Variants in ANAPC10 observed in about 807,000 individuals in gnomAD.
ANAPC10 encodes the protein anaphase-promoting complex subunit 10.
In ANAPC10, 12 loss-of-function variants were observed where a neutral mutation model predicts 22.0. That is an observed-to-expected ratio of 0.55 (90% CI 0.35 to 0.88). The LOEUF (loss-of-function observed/expected upper bound fraction) is 0.88. Among genes scored for constraint, ANAPC10 ranks in the 40% least tolerant of loss-of-function variants. The pLI is 0.01. For missense variants in ANAPC10, 188 were observed against 220.9 expected, an observed-to-expected ratio of 0.85 and a Z score of 0.94; for synonymous variants, 65 against 69.5, an observed-to-expected ratio of 0.94 and a Z score of 0.32.
intron 4 of ANAPC10, among the ~76,000 whole-genome samples, chr4:145,046,732 G>T (rs1175756842): frequency 6.6e-6 from 1 of 152,014 alleles, no homozygotes; most frequent in African/African-American, 2.4e-5. Context: ...TACATAGGTT[G>T]TTCTCTCTGT....
At chr4:145,010,034 AAAG>A (rs1734049141) in intron 4 of ANAPC10, among the ~76,000 whole-genome samples, 1 of 152,224 alleles carries the variant, frequency 6.6e-6, no homozygotes, top group African/African-American at 2.4e-5. Context: ...ACACTTCTCA[AAAG>A]AAGACATTTA....
chr4:145,057,195 TA>T (rs1416848929), intron 4 of ANAPC10, among the ~76,000 whole-genome samples: 9 of 152,210 alleles, frequency 5.9e-5, no homozygotes, highest in Non-Finnish European at 8.8e-5. Context: ...TTCCTGCTAT[TA>T]AATCATTTCA....
intron 4 of ANAPC10, among the ~76,000 whole-genome samples, chr4:145,063,623 T>C (rs1287020533): frequency 6.6e-6 from 1 of 152,134 alleles, no homozygotes. Context: ...AATGATTTTC[T>C]GACCAAAAAA....
At chr4:145,028,295 C>T (rs905741686) in intron 4 of ANAPC10, among the ~76,000 whole-genome samples, 3 of 152,060 alleles carry the variant, frequency 2.0e-5, no homozygotes, top group East Asian at 1.9e-4. Flanking sequence ...AAAGGAGAGA[C>T]GAGCCTAGCC....
At chr4:145,093,783 T>C (rs1386513921) in intron 2 of ANAPC10, among the ~76,000 whole-genome samples, 4 of 151,858 alleles carry the variant, frequency 2.6e-5, no homozygotes, top group Admixed American at 2.6e-4. Context: ...AATACCAGAA[T>C]TGAAACACAA....
intron 4 of ANAPC10, among the ~76,000 whole-genome samples, chr4:145,018,209 C>A (rs977981761): frequency 6.6e-6 from 1 of 150,754 alleles, no homozygotes; most frequent in Non-Finnish European, 1.5e-5. Context: ...AAAACAAAAA[C>A]CAAAAAATCA....
At chr4:145,006,949 A>G (rs1733464162) in intron 4 of ANAPC10, among the ~76,000 whole-genome samples, 1 of 152,064 alleles carries the variant, frequency 6.6e-6, no homozygotes, top group Non-Finnish European at 1.5e-5. Flanking sequence ...TACAGGCTTT[A>G]ATGTATATAA....
At chr4:145,077,369 T>C (rs1745345950) in intron 3 of ANAPC10, among the ~76,000 whole-genome samples, 1 of 152,278 alleles carries the variant, frequency 6.6e-6, no homozygotes, top group South Asian at 2.1e-4. Context: ...TTGAGGATAC[T>C]GTCCATGAAA....
chr4:145,064,074 T>C (rs1416746705), intron 4 of ANAPC10: 2 of 152,100 alleles, frequency 1.3e-5, no homozygotes, highest in Admixed American at 6.5e-5. Flanking sequence ...TACATAAATG[T>C]ATGTGTTTGT....
At chr4:145,004,996 A>G (rs534268672) in intron 4 of ANAPC10, among the ~76,000 whole-genome samples, 2 of 152,236 alleles carry the variant, frequency 1.3e-5, no homozygotes, top group South Asian at 4.2e-4. Context: ...TAGGCTTTTT[A>G]TTACTGATTC....
At chr4:145,095,037 A>G in intron 2 of ANAPC10, among the ~76,000 whole-genome samples, 1 of 152,220 alleles carries the variant, frequency 6.6e-6, no homozygotes, top group Admixed American at 6.5e-5. Context: ...AGAGGAGGAA[A>G]AGAGAAGACC....
At chr4:145,020,971 A>G (rs1247061191) in intron 4 of ANAPC10, among the ~76,000 whole-genome samples, 2 of 152,160 alleles carry the variant, frequency 1.3e-5, no homozygotes, top group African/African-American at 2.4e-5. Flanking sequence ...ATGGAAACAC[A>G]TCCCATGTTC....
chr4:145,036,995 C>CGTGTGT (rs202100756), intron 4 of ANAPC10, among the ~76,000 whole-genome samples: 1,816 of 131,172 alleles, frequency 0.014, 36 homozygotes, highest in Admixed American at 0.038. Flanking sequence ...AAATAGATAA[C>CGTGTGT]GTGTGTGTGT....
chr4:145,075,462 AG>A (rs1428006454), intron 3 of ANAPC10, among the ~76,000 whole-genome samples: 2 of 152,250 alleles, frequency 1.3e-5, no homozygotes, highest in Middle Eastern at 3.4e-3. Flanking sequence ...AGATGTGGCC[AG>A]GAAGAGCTTC....
intron 1 of ANAPC10, 95 bp from the exon 2 acceptor site, chr4:145,096,206 C>A (rs1748490572): frequency 1.7e-6 from 2 of 1,211,854 alleles, no homozygotes; most frequent in Non-Finnish European, 1.2e-6. Flanking sequence ...AACTCATATA[C>A]CCTGACATTA....
intron 4 of ANAPC10, among the ~76,000 whole-genome samples, chr4:145,041,756 C>G (rs371910469): frequency 6.6e-6 from 1 of 152,046 alleles, no homozygotes; most frequent in African/African-American, 2.4e-5. Flanking sequence ...ATAACTGGTT[C>G]CAGATATACA....
intron 3 of ANAPC10, among the ~76,000 whole-genome samples, chr4:145,076,596 T>C (rs1371893641): frequency 1.3e-5 from 2 of 152,112 alleles, no homozygotes; most frequent in East Asian, 1.9e-4. Context: ...CTTAACCGGA[T>C]TGAAATGACA....
chr4:145,081,799 A>C, intron 2 of ANAPC10, 49 bp from the exon 3 acceptor site: 1 of 1,255,496 alleles, frequency 8.0e-7, no homozygotes, highest in Non-Finnish European at 1.2e-6. Context: ...AGAAACAACT[A>C]TACATGCAAA....
chr4:145,054,829 T>G lies in ANAPC10; in HGVS notation c.327+9743A>C, dbSNP rs747625162. On this transcript the variant is annotated intron_variant, in intron 4 of 4. Transcript: ENST00000507656. ...TGCTCAAGTTTATTGTTCTTTCTCC[T>G]TGTTATGTATCTACCCTCGCATCTA... Among the ~76,000 whole-genome samples the G allele has an allele frequency of 4.6e-4, 70 of 152,178 alleles. 1 individual carries two copies. Among genetic ancestry groups the G allele is most frequent in the Non-Finnish European group, 8.2e-4 (56 of 67,992 alleles).
Sources: allele counts gnomAD v4.1 joint callset (sites outside exome capture counted in the v4.1 genomes callset), GRCh38; gene constraint gnomAD v4.1.1; transcripts MANE v1.5; gene names NCBI Gene and HGNC (gene_info 2026-07-23, HGNC 2026-07-21).